SCAP: variants seen among roughly 807,000 people sequenced by gnomAD.
SCAP encodes SREBF chaperone.
SCAP carries 65 observed loss-of-function variants against 123.6 expected under a neutral mutation model. That is an observed-to-expected ratio of 0.53 (90% confidence interval 0.43 to 0.65). The LOEUF (loss-of-function observed/expected upper bound fraction) is 0.65. Among genes scored for constraint, SCAP ranks in the 30% least tolerant of loss-of-function variants. The pLI, the probability that SCAP is intolerant of heterozygous loss-of-function variation, is 0.00. For synonymous variants in SCAP, 740 were observed against 726.3 expected, an observed-to-expected ratio of 1.02 and a Z score of -0.30; for missense variants, 1,398 against 1,712.5, an observed-to-expected ratio of 0.82 and a Z score of 3.24.
At chr3:47,428,803 T>C in intron 3 of SCAP, 133 bp from the exon 4 acceptor site, 1 of 951,298 alleles carries the variant, frequency 1.1e-6, no homozygotes, top group Non-Finnish European at 1.5e-6. Context: ...CTAATACAAG[T>C]TCTTGAGTTT....
At chr3:47,432,896 T>C (rs879259533) in intron 3 of SCAP, among the ~76,000 whole-genome samples, 14 of 152,180 alleles carry the variant, frequency 9.2e-5, no homozygotes, top group Non-Finnish European at 1.8e-4. Flanking sequence ...AACAATGAAA[T>C]ACCTGCCTTT....
intron 3 of SCAP, among the ~76,000 whole-genome samples, chr3:47,429,883 A>G (rs1706290585): frequency 6.6e-6 from 1 of 152,186 alleles, no homozygotes; most frequent in Admixed American, 6.5e-5. Context: ...CACTCCCCAA[A>G]GCATGTAACC....
intron 3 of SCAP, among the ~76,000 whole-genome samples, chr3:47,432,931 A>G (rs1481465449): frequency 2.0e-5 from 3 of 152,238 alleles, no homozygotes; most frequent in Non-Finnish European, 4.4e-5. Flanking sequence ...GGAAGGGGAC[A>G]GGCAGGTAAC....
intron 1 of SCAP, among the ~76,000 whole-genome samples, chr3:47,447,461 G>A (rs979947298): frequency 6.6e-6 from 1 of 152,094 alleles, no homozygotes. Context: ...AGGCAAAGGT[G>A]GGCGGATTAC....
chr3:47,434,834 T>C (rs1280587719), intron 3 of SCAP, 174 bp downstream of exon 3: 14 of 728,162 alleles, frequency 1.9e-5, no homozygotes, highest in Non-Finnish European at 2.8e-5. Context: ...CAAAACTCCA[T>C]CTCAAAAAAA....
intron 1 of SCAP, among the ~76,000 whole-genome samples, chr3:47,452,531 C>A (rs1266795898): frequency 1.3e-5 from 2 of 152,210 alleles, no homozygotes; most frequent in African/African-American, 2.4e-5. Flanking sequence ...TGAATGAAAT[C>A]ATAAACAAGG....
At position 47,443,058 on chromosome 3, in the gene SCAP, G is replaced by C; in HGVS notation, c.-65C>G. On this transcript the variant is annotated 5_prime_UTR_variant, in exon 2 of 23. Coordinates refer to ENST00000265565, the MANE Select transcript of SCAP (RefSeq NM_012235.4). The stretch of plus-strand genomic sequence containing the variant: ...CCATGGATCACCCTGGCACACACTT[G>C]ACAGCACTGACAAAGAACAACATGT... The C allele has an allele frequency of 6.2e-7, 1 of 1,606,040 alleles. No individual in the cohort carries two copies. Among genetic ancestry groups the C allele is most frequent in the Non-Finnish European group, 8.5e-7 (1 of 1,176,784 alleles).
intron 1 of SCAP, among the ~76,000 whole-genome samples, chr3:47,471,209 G>T (rs1367612429): frequency 4.6e-5 from 7 of 151,864 alleles, no homozygotes; most frequent in Non-Finnish European, 2.9e-5. Flanking sequence ...GAGGAGGCAG[G>T]GAAAGGCAAG....
chr3:47,415,723 G>A (rs1705542803), intron 18 of SCAP, among the ~76,000 whole-genome samples: 1 of 152,196 alleles, frequency 6.6e-6, no homozygotes, highest in Admixed American at 6.5e-5. Context: ...TATTTGCCCA[G>A]TAACCCCAAA....
chr3:47,442,456 G>C (rs1425090348), intron 2 of SCAP, among the ~76,000 whole-genome samples: 1 of 152,206 alleles, frequency 6.6e-6, no homozygotes, highest in Non-Finnish European at 1.5e-5. Context: ...TCTGAGGTTA[G>C]CCTGCCACAG....
At chr3:47,470,755 G>A (rs1707996580) in intron 1 of SCAP, among the ~76,000 whole-genome samples, 1 of 152,174 alleles carries the variant, frequency 6.6e-6, no homozygotes, top group Admixed American at 6.5e-5. Flanking sequence ...CAGCTACTTG[G>A]GAGGCTGAGG....
intron 1 of SCAP, among the ~76,000 whole-genome samples, chr3:47,458,718 G>A (rs1559565882): frequency 6.6e-6 from 1 of 152,220 alleles, no homozygotes; most frequent in Non-Finnish European, 1.5e-5. Flanking sequence ...CACAATGCCA[G>A]TTACCTACAT....
intron 13 of SCAP, 40 bp from the exon 14 acceptor site, chr3:47,418,883 CA>C: frequency 6.8e-7 from 1 of 1,475,320 alleles, no homozygotes; most frequent in East Asian, 2.4e-5. Context: ...GGGGGCCTCC[CA>C]GGGCTTCCTC....
intron 2 of SCAP, among the ~76,000 whole-genome samples, chr3:47,441,674 G>A (rs1193548543): frequency 2.0e-5 from 3 of 152,046 alleles, no homozygotes; most frequent in Admixed American, 2.0e-4. Context: ...TAACACAGGT[G>A]CAGGCGGGCA....
In SCAP at chr3:47,418,151, C is replaced by G; in HGVS notation, c.2430G>C (p.Thr810=). ...VWDAQTGDCL[T]RIPRPGRQRR... ...GCACCTACCCTGGGCGCGGAATGCG[C>G]GTTAGGCAATCCCCGGTCTGCGCGT... The change falls in exon 16 of 23, where the codon ACG becomes ACC. Residue 810 remains threonine, a synonymous_variant. Transcript: ENST00000265565. 5 of 1,566,782 alleles carry G rather than the reference C, an allele frequency of 3.2e-6. No homozygotes were observed. Among genetic ancestry groups the G allele is most frequent in the Non-Finnish European group, 4.3e-6 (5 of 1,156,512 alleles).
intron 21 of SCAP, 27 bp downstream of exon 21, chr3:47,414,545 C>T: frequency 6.2e-7 from 1 of 1,612,586 alleles, no homozygotes; most frequent in Non-Finnish European, 8.5e-7. Context: ...GACTCTGTAC[C>T]CCCTACCCCA....
Position 47,420,988 on chromosome 3 carries a change from G to A in SCAP, c.1287C>T (p.Phe429=). 1.2e-6 allele frequency: 2 copies of A among 1,613,990 alleles called. No homozygotes were observed. Among genetic ancestry groups the A allele is most frequent in the East Asian group, 2.2e-5 (1 of 44,872 alleles). Reference sequence around the variant, plus strand: ...TGGTGAAAAACAGCATCTGAAGGAAGAAGTCAGACACCAGCCCCACGACAG... The same window carrying A: ...TGGTGAAAAACAGCATCTGAAGGAAAAAGTCAGACACCAGCCCCACGACAG... ...LFAVVGLVSD[F]FLQMLFFTTV... is the part of the protein sequence containing the mutation. The change falls in exon 11 of 23, where the codon TTC becomes TTT. Residue 429 remains phenylalanine (F), a synonymous_variant. Transcript: ENST00000265565. This position sits in a 1 kb window ranked among gnomAD's most constrained non-coding sequence, Gnocchi z 5.0.
chr3:47,437,032 C>T (rs1448769193), intron 2 of SCAP, among the ~76,000 whole-genome samples: 1 of 152,220 alleles, frequency 6.6e-6, no homozygotes, highest in Non-Finnish European at 1.5e-5. Context: ...CACTGGCGCA[C>T]ATAGCAGATC....
Position 47,414,872 on chromosome 3 carries a change from G to A in SCAP, c.3261C>T (p.Ala1087=), listed in dbSNP as rs535969450. 23 of 1,612,202 alleles carry A rather than the reference G, an allele frequency of 1.4e-5. No homozygotes were observed. The highest frequency in any genetic ancestry group is 1.2e-4 in the African/African-American group (9 of 75,030). The change falls in exon 20 of 23, where the codon GCC becomes GCT. Residue 1087 remains alanine, a synonymous_variant. Transcript: ENST00000265565. ...AHQKPITALK[A]AAGRLVTGSQ... is the part of the protein sequence containing the mutation. ...TCCCAGTCACCAAGCGCCCAGCAGC[G>A]GCTTTCAGGGCTGTGATGGGTTTTT...
Sources: allele counts gnomAD v4.1 joint callset (sites outside exome capture counted in the v4.1 genomes callset), GRCh38; gene constraint gnomAD v4.1.1; non-coding constraint Gnocchi (gnomAD v3.1); transcripts MANE v1.5; gene names NCBI Gene and HGNC (gene_info 2026-07-23, HGNC 2026-07-21).